Variants in SHANK2 observed in about 807,000 individuals in gnomAD.
The protein encoded by SHANK2 is SH3 and multiple ankyrin repeat domains protein 2.
SHANK2 carries 43 observed loss-of-function variants against 133.7 expected under a neutral mutation model. That is an observed-to-expected ratio of 0.32 (90% CI 0.25 to 0.41). The LOEUF is 0.41. SHANK2 is among the 10% of genes least tolerant of loss of function. The pLI, the probability that SHANK2 is intolerant of heterozygous loss-of-function variation, is 1.00. For synonymous variants in SHANK2, 1,017 were observed against 952.8 expected (o/e 1.07, Z -1.24); for missense variants, 1,994 against 2,235.8 (o/e 0.89, Z 2.18).
intron 10 of SHANK2, among the ~76,000 whole-genome samples, chr11:70,898,822 C>G (rs571107770): frequency 2.0e-5 from 3 of 152,122 alleles, no homozygotes; most frequent in African/African-American, 7.2e-5. Flanking sequence ...TGCAACAAAA[C>G]GAACACTGAG....
chr11:71,119,119 C>T, intron 3 of SHANK2, 87 bp from the exon 4 acceptor site: 1 of 1,123,790 alleles, frequency 8.9e-7, no homozygotes, highest in Non-Finnish European at 1.3e-6. Flanking sequence ...AGAGGCAAAG[C>T]TGCTTCCACC....
intron 14 of SHANK2, among the ~76,000 whole-genome samples, chr11:70,745,625 C>A (rs1249721755): frequency 1.3e-5 from 2 of 152,180 alleles, no homozygotes; most frequent in South Asian, 2.1e-4. Context: ...CAATCCTCTC[C>A]GGGGAACGTG....
intron 17 of SHANK2, among the ~76,000 whole-genome samples, chr11:70,530,499 G>A (rs1194255052): frequency 1.3e-5 from 2 of 152,154 alleles, no homozygotes; most frequent in Non-Finnish European, 1.5e-5. Flanking sequence ...TCATACCACT[G>A]CACTCCTGCC....
intron 10 of SHANK2, among the ~76,000 whole-genome samples, chr11:70,955,191 C>T (rs1950899940): frequency 1.3e-5 from 2 of 152,188 alleles, no homozygotes; most frequent in South Asian, 2.1e-4. Flanking sequence ...CCTTTCTTTG[C>T]TTCTGGATGT....
chr11:70,498,234 T>C (rs1231153401), intron 21 of SHANK2, among the ~76,000 whole-genome samples: 1 of 152,242 alleles, frequency 6.6e-6, no homozygotes, highest in African/African-American at 2.4e-5. Context: ...AGTACAAATG[T>C]CACTCCATTT....
intron 2 of SHANK2, among the ~76,000 whole-genome samples, chr11:71,165,293 C>A (rs1156840976): frequency 3.3e-5 from 5 of 152,172 alleles, no homozygotes; most frequent in African/African-American, 1.2e-4. Flanking sequence ...CTTGGCCTCC[C>A]AAAGTGCTGA....
chr11:70,524,224 C>T (rs1366696884), intron 17 of SHANK2, among the ~76,000 whole-genome samples: 3 of 152,198 alleles, frequency 2.0e-5, no homozygotes, highest in Non-Finnish European at 4.4e-5. Context: ...AGAGCAGTCC[C>T]ACCCCCTGGG....
chr11:70,651,289 C>T (rs944194606), intron 17 of SHANK2, among the ~76,000 whole-genome samples: 35 of 152,150 alleles, frequency 2.3e-4, no homozygotes, highest in African/African-American at 6.3e-4. Flanking sequence ...CCAAAATGAA[C>T]GAGCCAAGAC....
Position 71,188,071 on chromosome 11 carries a change from C to A in SHANK2, c.-13+36626G>T, listed in dbSNP as rs1336375686. Reference sequence around the variant, plus strand: ...TAACCTGGCGGGTCAAAGGTCAGACCCCACACAGTCCTTGCCACCACACAT... The same window carrying A: ...TAACCTGGCGGGTCAAAGGTCAGACACCACACAGTCCTTGCCACCACACAT... On this transcript the variant is annotated intron_variant, in intron 2 of 25. Coordinates refer to ENST00000601538, the MANE Select transcript of SHANK2 (RefSeq NM_012309.5). This position sits in a 1 kb window ranked among gnomAD's most constrained non-coding sequence, Gnocchi z 4.6. 6.6e-6 allele frequency among the ~76,000 whole-genome samples: 1 copy of A among 152,126 alleles called. No individual in the cohort carries two copies. Among genetic ancestry groups the A allele is most frequent in the Non-Finnish European group, 1.5e-5 (1 of 68,014 alleles).
chr11:70,480,018 C>T (rs1386066808), intron 25 of SHANK2, among the ~76,000 whole-genome samples: 4 of 152,204 alleles, frequency 2.6e-5, no homozygotes, highest in African/African-American at 9.6e-5. Flanking sequence ...CCTGATCACA[C>T]AGCTGCCTGG....
chr11:70,906,544 G>A (rs1208589927), intron 10 of SHANK2, among the ~76,000 whole-genome samples: 1 of 152,232 alleles, frequency 6.6e-6, no homozygotes, highest in Admixed American at 6.5e-5. Flanking sequence ...TCCCGACACA[G>A]AGAGCTATTT....
chr11:70,718,149 A>G (rs1165264304), intron 14 of SHANK2, among the ~76,000 whole-genome samples: 5 of 152,206 alleles, frequency 3.3e-5, no homozygotes, highest in African/African-American at 1.2e-4. Context: ...TGCCATTAGC[A>G]GGGAGAGGCA....
intron 17 of SHANK2, among the ~76,000 whole-genome samples, chr11:70,581,468 A>T (rs1189442344): frequency 1.3e-5 from 2 of 152,202 alleles, no homozygotes; most frequent in Non-Finnish European, 2.9e-5. Flanking sequence ...AAGATGGCAG[A>T]TCACTCGAGG....
chr11:70,636,395 G>C (rs1320967215), intron 17 of SHANK2, among the ~76,000 whole-genome samples: 1 of 152,244 alleles, frequency 6.6e-6, no homozygotes, highest in Non-Finnish European at 1.5e-5. Context: ...GTGTATGAGT[G>C]TGTATGCGAG....
chr11:70,512,039 G>A (rs543269938), intron 17 of SHANK2, among the ~76,000 whole-genome samples: 1 of 152,058 alleles, frequency 6.6e-6, no homozygotes, highest in Admixed American at 6.6e-5. Flanking sequence ...ACCTATTTTT[G>A]CTACTTGATA....
intron 15 of SHANK2, among the ~76,000 whole-genome samples, chr11:70,667,268 T>C (rs932690941): frequency 1.3e-5 from 2 of 152,158 alleles, no homozygotes; most frequent in Non-Finnish European, 2.9e-5. Context: ...ACTACCTCCA[T>C]GTTGATGCCC....
chr11:71,085,976 T>TAACATATTA (rs1951397260), intron 8 of SHANK2, among the ~76,000 whole-genome samples: 1 of 10,772 alleles, frequency 9.3e-5, no homozygotes, highest in East Asian at 4.1e-3. Flanking sequence ...ATTATATATA[T>TAACATATTA]TATGTTATAT....
intron 3 of SHANK2, among the ~76,000 whole-genome samples, chr11:71,144,218 G>A (rs113584283): frequency 5.9e-5 from 9 of 152,260 alleles, no homozygotes; most frequent in African/African-American, 1.7e-4. Context: ...GAAAGTGTGC[G>A]CATGCGTGCA....
At chr11:70,729,355 G>C (rs1946236000) in intron 14 of SHANK2, among the ~76,000 whole-genome samples, 2 of 151,198 alleles carry the variant, frequency 1.3e-5, no homozygotes, top group Non-Finnish European at 2.9e-5. Context: ...GCAGAAAACA[G>C]ACTGGTGGGC....
Sources: gnomAD v4.1 joint callset for allele counts (sites outside exome capture counted in the v4.1 genomes callset) on GRCh38, gnomAD v4.1.1 for gene constraint, Gnocchi (gnomAD v3.1) non-coding constraint, MANE v1.5 for transcripts, NCBI Gene and HGNC (gene_info 2026-07-23, HGNC 2026-07-21) for gene names.